The following SCFD2 variants were observed in gnomAD, a reference collection of about 807,000 sequenced individuals.
SCFD2 encodes sec1 family domain-containing protein 2.
In SCFD2, 54 loss-of-function variants were observed where a neutral mutation model predicts 58.9. The observed-to-expected ratio is 0.92, with a 90% confidence interval of 0.74 to 1.15. The LOEUF (loss-of-function observed/expected upper bound fraction) is 1.15. Ranked by LOEUF, SCFD2 falls within the 50% of genes most tolerant of loss-of-function variation. The pLI, the probability that SCFD2 is intolerant of heterozygous loss-of-function variation, is 0.00. For missense variants in SCFD2, 805 were observed against 836.6 expected (o/e 0.96, Z 0.47); for synonymous variants, 321 against 335.9 (o/e 0.96, Z 0.49).
chr4:52,904,616 C>A (rs1719300423), intron 7 of SCFD2, among the ~76,000 whole-genome samples: 1 of 152,122 alleles, frequency 6.6e-6, no homozygotes, highest in Admixed American at 6.5e-5. Context: ...TGATGACCAG[C>A]CCAGGCATAG....
At chr4:53,100,083 A>G (rs1226692598) in intron 5 of SCFD2, among the ~76,000 whole-genome samples, 2 of 152,298 alleles carry the variant, frequency 1.3e-5, no homozygotes, top group East Asian at 3.9e-4. Context: ...GATGAAGAAA[A>G]CAATAATAAT....
intron 8 of SCFD2, among the ~76,000 whole-genome samples, chr4:52,881,330 C>A (rs1425907473): frequency 2.0e-5 from 3 of 152,208 alleles, no homozygotes; most frequent in Non-Finnish European, 4.4e-5. Flanking sequence ...AAAGCCTTCT[C>A]CATGGGAGTC....
At chr4:53,078,120 C>G (rs1161886174) in intron 5 of SCFD2, among the ~76,000 whole-genome samples, 3 of 152,104 alleles carry the variant, frequency 2.0e-5, no homozygotes, top group Admixed American at 6.6e-5. Context: ...TTTTTAGCAC[C>G]ATCATTTGCC....
In SCFD2 at chr4:52,990,919, G is replaced by C. The variant is rs551987074; in HGVS notation, c.1562-70049C>G. Among the ~76,000 whole-genome samples the C allele has an allele frequency of 2.6e-5, 4 of 152,310 alleles. No individual in the cohort carries two copies. The East Asian group carries it at 7.7e-4, about 29-fold the overall frequency. ...GACCCTGGGCTGAGGTGGTGGTGGA[G>C]AATGTGGGAAAGTCTGGACTGACCC... On this transcript the variant is annotated intron_variant, in intron 5 of 8. Transcript: ENST00000401642.
chr4:52,907,637 T>G, intron 6 of SCFD2, 46 bp from the exon 7 acceptor site: 1 of 1,599,466 alleles, frequency 6.3e-7, no homozygotes, highest in East Asian at 2.2e-5. Flanking sequence ...TTGGTTTGTC[T>G]GGAGAGAGGA....
intron 5 of SCFD2, among the ~76,000 whole-genome samples, chr4:52,976,206 C>T (rs531444722): frequency 5.9e-5 from 9 of 152,000 alleles, no homozygotes; most frequent in African/African-American, 1.9e-4. Flanking sequence ...AGATTCTATT[C>T]GTGTACAAAT....
chr4:53,298,090 C>T (rs1394706457), intron 3 of SCFD2, among the ~76,000 whole-genome samples: 2 of 152,094 alleles, frequency 1.3e-5, no homozygotes, highest in South Asian at 2.1e-4. Context: ...GAGTGCCGGA[C>T]AGTGGGTGCA....
intron 5 of SCFD2, among the ~76,000 whole-genome samples, chr4:52,973,951 C>T (rs942600258): frequency 4.6e-5 from 7 of 152,152 alleles, no homozygotes; most frequent in Non-Finnish European, 1.0e-4. Flanking sequence ...AGAAAAAGTC[C>T]TTTGACAAAA....
At chr4:53,070,402 A>T (rs1723781897) in intron 5 of SCFD2, among the ~76,000 whole-genome samples, 1 of 152,106 alleles carries the variant, frequency 6.6e-6, no homozygotes, top group African/African-American at 2.4e-5. Flanking sequence ...AATTGAAATT[A>T]AATTAATTAT....
chr4:53,136,899 T>G lies in SCFD2; in HGVS notation c.1561+8434A>C, dbSNP rs189222274. On this transcript the variant is annotated intron_variant, in intron 5 of 8. Transcript: ENST00000401642. ...TGATAATCTGAGAATGTTTATGATA[T>G]AAGTCCAGCACAGAATAGATCATTA... 3.5e-4 allele frequency among the ~76,000 whole-genome samples: 54 copies of G among 152,326 alleles called. No homozygotes were observed. The East Asian group carries it at 9.1e-3, about 26-fold the overall frequency.
intron 5 of SCFD2, among the ~76,000 whole-genome samples, chr4:53,048,037 T>C (rs1408954995): frequency 6.6e-6 from 1 of 152,106 alleles, no homozygotes; most frequent in Non-Finnish European, 1.5e-5. Context: ...ACCAGCAAGG[T>C]AGCTTGAAAA....
intron 5 of SCFD2, among the ~76,000 whole-genome samples, chr4:53,113,344 G>T (rs191341631): frequency 2.0e-5 from 3 of 152,130 alleles, no homozygotes; most frequent in African/African-American, 7.2e-5. Flanking sequence ...TTCTTTTCCT[G>T]TCCTGAAAAT....
intron 7 of SCFD2, among the ~76,000 whole-genome samples, chr4:52,898,239 G>T (rs564190792): frequency 9.2e-5 from 14 of 152,104 alleles, no homozygotes; most frequent in Non-Finnish European, 1.5e-5. Context: ...TTTTAATTGT[G>T]ATGTTAGGGT....
chr4:53,207,291 G>T (rs886827403), intron 4 of SCFD2, among the ~76,000 whole-genome samples: 13 of 143,632 alleles, frequency 9.1e-5, no homozygotes, highest in Admixed American at 8.6e-4. Flanking sequence ...ACAAAACCTA[G>T]GAATGTAATA....
intron 5 of SCFD2, among the ~76,000 whole-genome samples, chr4:52,945,007 T>C (rs1720387990): frequency 6.6e-6 from 1 of 152,252 alleles, no homozygotes; most frequent in African/African-American, 2.4e-5. Context: ...TATAGAGTTA[T>C]CTGAAAATAA....
At chr4:53,103,942 C>A (rs1724912719) in intron 5 of SCFD2, among the ~76,000 whole-genome samples, 1 of 144,994 alleles carries the variant, frequency 6.9e-6, no homozygotes, top group South Asian at 2.2e-4. Context: ...GAGTATAACC[C>A]AAAATACAAA....
At chr4:53,023,216 C>A (rs1037884587) in intron 5 of SCFD2, among the ~76,000 whole-genome samples, 3 of 152,108 alleles carry the variant, frequency 2.0e-5, no homozygotes, top group Admixed American at 6.5e-5. Flanking sequence ...ACATCTCATT[C>A]CTTCATTCTG....
intron 4 of SCFD2, among the ~76,000 whole-genome samples, chr4:53,231,729 T>C (rs1430894610): frequency 1.3e-5 from 2 of 152,158 alleles, no homozygotes; most frequent in Non-Finnish European, 2.9e-5. Context: ...AAATGTTATG[T>C]TTATGAGATT....
At chr4:53,207,529 T>TCA (rs1491126530) in intron 4 of SCFD2, among the ~76,000 whole-genome samples, 1 of 14,862 alleles carries the variant, frequency 6.7e-5, no homozygotes, top group Non-Finnish European at 1.0e-4. Context: ...ATATATAATA[T>TCA]TTATATATTA....
Sources: allele counts gnomAD v4.1 joint callset (sites outside exome capture counted in the v4.1 genomes callset), GRCh38; gene constraint gnomAD v4.1.1; transcripts MANE v1.5; gene names NCBI Gene and HGNC (gene_info 2026-07-23, HGNC 2026-07-21).